CFAP299: variants seen among roughly 807,000 people sequenced by gnomAD.
The protein encoded by CFAP299 is cilia and flagella associated protein 299.
Under a neutral mutation model 27.0 loss-of-function variants are expected in CFAP299, and 21 were observed. The ratio of observed to expected loss-of-function variants is 0.78; its 90% CI spans 0.55 to 1.12. The LOEUF is 1.12. CFAP299 is among the 50% of genes most tolerant of loss of function. The pLI, the probability that CFAP299 is intolerant of heterozygous loss-of-function variation, is 0.00. For synonymous variants in CFAP299, 104 were observed against 98.1 expected (o/e 1.06, Z -0.36); for missense variants, 310 against 276.6 (o/e 1.12, Z -0.86).
Position 80,583,182 on chromosome 4 carries a change from G to A in CFAP299, c.332G>A (p.Ser111Asn), listed in dbSNP as rs77136026. The change falls in exon 3 of 6, where the codon AGT becomes AAT. Residue 111 changes from serine to asparagine, a missense_variant and splice_region_variant. Transcript: ENST00000358105. ...REEDNRSGKL[S>N]SVIFIRDRNS... ...GAAGACAATCGCAGTGGAAAACTGA[G>A]TGTAAGTACATTTCATCCAACAGCT... 1.2e-3 allele frequency: 1,962 copies of A among 1,594,406 alleles called. 31 individuals are homozygous for A. In the African/African-American group the frequency reaches 0.024, roughly 20 times the overall value.
At chr4:80,602,751 G>C (rs561054907) in intron 3 of CFAP299, among the ~76,000 whole-genome samples, 1 of 152,074 alleles carries the variant, frequency 6.6e-6, no homozygotes, top group South Asian at 2.1e-4. Flanking sequence ...TTCAAACAAG[G>C]CCATCCTGTG....
chr4:80,770,670 A>G (rs1286561158), intron 3 of CFAP299, among the ~76,000 whole-genome samples: 3 of 152,178 alleles, frequency 2.0e-5, no homozygotes, highest in Admixed American at 2.0e-4. Context: ...TCTTTCCTTT[A>G]AAAAACTGTT....
At chr4:80,629,495 A>G (rs778551393) in intron 3 of CFAP299, among the ~76,000 whole-genome samples, 4 of 152,158 alleles carry the variant, frequency 2.6e-5, no homozygotes, top group Non-Finnish European at 4.4e-5. Context: ...TGATAGCTAT[A>G]TGAGGGAATA....
At chr4:80,528,998 C>T (rs17004930) in intron 2 of CFAP299, among the ~76,000 whole-genome samples, 11,555 of 152,202 alleles carry the variant, frequency 0.076, 627 homozygotes, top group East Asian at 0.25. Flanking sequence ...GGCCATTGAA[C>T]TATCTTGCCT....
At chr4:80,604,983 G>A (rs1737579294) in intron 3 of CFAP299, among the ~76,000 whole-genome samples, 1 of 151,672 alleles carries the variant, frequency 6.6e-6, no homozygotes, top group African/African-American at 2.4e-5. Context: ...TTGAGTTTGA[G>A]CTGGAAAAAA....
At chr4:80,509,532 A>G (rs1394384915) in intron 2 of CFAP299, among the ~76,000 whole-genome samples, 1 of 152,166 alleles carries the variant, frequency 6.6e-6, no homozygotes, top group African/African-American at 2.4e-5. Context: ...TCAGTTCTTG[A>G]ATCTTGACCT....
intron 3 of CFAP299, among the ~76,000 whole-genome samples, chr4:80,802,309 A>T (rs1432620843): frequency 1.3e-5 from 2 of 152,028 alleles, no homozygotes; most frequent in African/African-American, 4.8e-5. Flanking sequence ...GCCTGGCTTT[A>T]CTCAAAATAT....
intron 3 of CFAP299, among the ~76,000 whole-genome samples, chr4:80,696,024 G>A (rs1425981922): frequency 1.3e-5 from 2 of 152,018 alleles, no homozygotes; most frequent in Non-Finnish European, 2.9e-5. Context: ...AGTAGAGGCC[G>A]GGTGTGGTGG....
intron 3 of CFAP299, among the ~76,000 whole-genome samples, chr4:80,864,491 CATATATAT>C (rs1553901359): frequency 2.8e-5 from 4 of 145,396 alleles, no homozygotes; most frequent in Non-Finnish European, 4.5e-5. Flanking sequence ...CATATATACA[CATATATAT>C]ACATATATAC....
intron 3 of CFAP299, among the ~76,000 whole-genome samples, chr4:80,620,203 T>C (rs140422238): frequency 1.7e-4 from 26 of 152,256 alleles, no homozygotes; most frequent in African/African-American, 5.8e-4. Context: ...AGTGGTCAAG[T>C]CTGTGCAGTG....
chr4:80,725,345 A>G (rs1723096958), intron 3 of CFAP299, among the ~76,000 whole-genome samples: 1 of 151,582 alleles, frequency 6.6e-6, no homozygotes, highest in African/African-American at 2.4e-5. Context: ...TAAAATTTCT[A>G]TTTTTTTCTT....
At chr4:80,548,017 A>G (rs1015039395) in intron 2 of CFAP299, among the ~76,000 whole-genome samples, 2 of 152,224 alleles carry the variant, frequency 1.3e-5, no homozygotes, top group Non-Finnish European at 2.9e-5. Flanking sequence ...CAGCAATCCC[A>G]GTATTGGGTA....
intron 2 of CFAP299, among the ~76,000 whole-genome samples, chr4:80,398,257 A>C (rs1417430506): frequency 2.0e-5 from 3 of 152,212 alleles, no homozygotes; most frequent in African/African-American, 7.2e-5. Flanking sequence ...AAATGGCCAT[A>C]CTGCCCAAGG....
At chr4:80,439,307 C>T (rs1041518687) in intron 2 of CFAP299, among the ~76,000 whole-genome samples, 3 of 152,162 alleles carry the variant, frequency 2.0e-5, no homozygotes, top group South Asian at 2.1e-4. Context: ...GGGAGACCAA[C>T]GCAGAAGGCA....
the CFAP299 span, among the ~76,000 whole-genome samples, chr4:80,326,321 GAA>G: frequency 6.6e-6 from 1 of 152,022 alleles, no homozygotes; most frequent in African/African-American, 2.4e-5. Context: ...TCAAATCCTT[GAA>G]AAGTTTGGAA....
chr4:80,518,057 G>A (rs140368050), intron 2 of CFAP299, among the ~76,000 whole-genome samples: 2 of 152,230 alleles, frequency 1.3e-5, no homozygotes, highest in East Asian at 3.9e-4. Flanking sequence ...GTGATGACAA[G>A]GTTGGGGGTA....
chr4:80,891,730 C>A (rs1734288494), intron 4 of CFAP299, among the ~76,000 whole-genome samples: 1 of 85,616 alleles, frequency 1.2e-5, no homozygotes, highest in Non-Finnish European at 2.2e-5. Context: ...CTAACCTGCA[C>A]AATGTGCACA....
chr4:80,483,389 C>CTCTT (rs3037375), intron 2 of CFAP299, among the ~76,000 whole-genome samples: 15,195 of 152,108 alleles, frequency 0.1, 1,450 homozygotes, highest in African/African-American at 0.24. Context: ...TTTTATCATT[C>CTCTT]TCTTTCTAAT....
At chr4:80,414,622 G>A (rs895447150) in intron 2 of CFAP299, among the ~76,000 whole-genome samples, 9 of 152,128 alleles carry the variant, frequency 5.9e-5, no homozygotes, top group Admixed American at 1.3e-4. Flanking sequence ...AATCTCATGT[G>A]CACCTCCTCA....
Sources: gnomAD v4.1 joint callset for allele counts (sites outside exome capture counted in the v4.1 genomes callset) on GRCh38, gnomAD v4.1.1 for gene constraint, MANE v1.5 for transcripts, NCBI Gene and HGNC (gene_info 2026-07-23, HGNC 2026-07-21) for gene names.